The following KMT2C variants were observed in gnomAD, a reference collection of about 807,000 sequenced individuals.
KMT2C encodes lysine methyltransferase 2C.
KMT2C carries 88 observed loss-of-function variants against 507.9 expected under a neutral mutation model. The observed-to-expected ratio is 0.17, with a 90% CI of 0.15 to 0.21. The LOEUF (loss-of-function observed/expected upper bound fraction) is 0.21, where lower values mean the gene tolerates loss of function less well. Ranked by LOEUF, KMT2C falls within the 10% of genes least tolerant of loss-of-function variation. The probability of loss-of-function intolerance (pLI) is 1.00; values close to 1 mark genes in which losing one functional copy is unlikely to be tolerated. For missense variants in KMT2C, 4,954 were observed against 5,957.8 expected (o/e 0.83, Z 5.55); for synonymous variants, 2,049 against 2,080.8 (o/e 0.98, Z 0.42).
chr7:152,327,982 A>AG (rs1473776575), intron 3 of KMT2C, among the ~76,000 whole-genome samples: 5 of 151,592 alleles, frequency 3.3e-5, no homozygotes, highest in Admixed American at 6.6e-5. Context: ...AAAAGAAAAA[A>AG]GAAAAAAAAA....
rs556301704 is a variant in KMT2C at position 152,187,408 on chromosome 7, G to A, written c.4862C>T (p.Thr1621Ile). ...CATTGTGTCATTTTCTCCTTCCACA[G>A]TGGGAGCTGATGATGTCCAAGAGTT... is the stretch of plus-strand genomic sequence containing the variant. The part of the protein sequence containing the change: ...PNNSWTSSAP[T>I]VEGENDTMSN... The change falls in exon 33 of 59, where the codon ACT becomes ATT. Residue 1621 changes from threonine (T) to isoleucine (I), a missense_variant. By Grantham distance (89) the Thr-to-Ile change is moderately conservative. Coordinates refer to ENST00000262189, the MANE Select transcript of KMT2C (RefSeq NM_170606.3). The A allele has an allele frequency of 7.4e-6, 12 of 1,614,134 alleles. 1 individual carries two copies. In the South Asian group the frequency reaches 1.3e-4, roughly 18 times the overall value.
At chr7:152,368,003 T>C (rs955015653) in intron 1 of KMT2C, 41 of 854,068 alleles carry the variant, frequency 4.8e-5, no homozygotes, top group Non-Finnish European at 7.0e-5. Context: ...TCCAAGAACA[T>C]AAAATTAAGA....
chr7:152,362,743 A>C (rs2097206864), intron 1 of KMT2C, among the ~76,000 whole-genome samples: 1 of 152,090 alleles, frequency 6.6e-6, no homozygotes, highest in African/African-American at 2.4e-5. Context: ...GCTTTATTTC[A>C]AGCTCGTTCT....
intron 1 of KMT2C, among the ~76,000 whole-genome samples, chr7:152,415,070 T>A (rs1412859714): frequency 6.6e-6 from 1 of 151,984 alleles, no homozygotes; most frequent in Non-Finnish European, 1.5e-5. Flanking sequence ...GATTTTGAAA[T>A]CCTGAGCTCA....
chr7:152,362,439 G>GA (rs1041811288), intron 1 of KMT2C, among the ~76,000 whole-genome samples: 6 of 152,188 alleles, frequency 3.9e-5, no homozygotes, highest in Middle Eastern at 3.4e-3. Context: ...ACCAATACAA[G>GA]AACTGGGGAC....
intron 26 of KMT2C, among the ~76,000 whole-genome samples, chr7:152,201,280 AC>A (rs2094128514): frequency 7.0e-6 from 1 of 142,754 alleles, no homozygotes; most frequent in Non-Finnish European, 1.5e-5. Context: ...CTCATGTCAC[AC>A]ATACAGACAC....
intron 51 of KMT2C, 102 bp downstream of exon 51, chr7:152,150,798 G>A (rs1054711685): frequency 2.5e-6 from 2 of 795,552 alleles, no homozygotes; most frequent in Non-Finnish European, 4.2e-6. Context: ...CCCACACAGA[G>A]CTCCATGAAG....
chr7:152,146,099 C>T (rs1332619781), intron 53 of KMT2C, among the ~76,000 whole-genome samples: 1 of 151,308 alleles, frequency 6.6e-6, no homozygotes, highest in Non-Finnish European at 1.5e-5. Context: ...TTCAGTTAGA[C>T]TCACTGACAA....
At chr7:152,369,563 C>A (rs1157713304) in intron 1 of KMT2C, among the ~76,000 whole-genome samples, 1 of 152,056 alleles carries the variant, frequency 6.6e-6, no homozygotes, top group East Asian at 1.9e-4. Context: ...AGAGGTGGTA[C>A]CTTTAAGAGG....
At chr7:152,286,250 A>T (rs1372291623) in intron 6 of KMT2C, among the ~76,000 whole-genome samples, 6 of 152,018 alleles carry the variant, frequency 3.9e-5, no homozygotes, top group African/African-American at 1.2e-4. Context: ...AAAAAGAATA[A>T]GAAATAAAAG....
intron 1 of KMT2C, among the ~76,000 whole-genome samples, chr7:152,400,850 G>C (rs2097568120): frequency 7.9e-6 from 1 of 126,528 alleles, no homozygotes; most frequent in African/African-American, 2.9e-5. Context: ...AATACTTCTA[G>C]CCCAAACTGA....
At chr7:152,290,164 A>G in intron 6 of KMT2C, among the ~76,000 whole-genome samples, 1 of 149,952 alleles carries the variant, frequency 6.7e-6, no homozygotes, top group South Asian at 2.1e-4. Flanking sequence ...ATAAAATCAT[A>G]TATGGGTAAA....
chr7:152,274,305 T>C (rs1009117365), intron 6 of KMT2C, among the ~76,000 whole-genome samples: 1,991 of 150,734 alleles, frequency 0.013, 42 homozygotes, highest in African/African-American at 0.046. Context: ...TAAAAATAAA[T>C]ACAAAATAAA....
chr7:152,382,921 T>TA (rs1194840728), intron 1 of KMT2C, among the ~76,000 whole-genome samples: 10 of 151,512 alleles, frequency 6.6e-5, no homozygotes, highest in African/African-American at 2.2e-4. Context: ...CCTTGTCCAA[T>TA]AAAAAAAGAC....
intron 6 of KMT2C, among the ~76,000 whole-genome samples, chr7:152,299,386 G>T (rs898529321): frequency 4.6e-5 from 7 of 151,404 alleles, no homozygotes; most frequent in African/African-American, 1.7e-4. Flanking sequence ...AGGTGCAATG[G>T]CTCACACCTG....
intron 2 of KMT2C, among the ~76,000 whole-genome samples, chr7:152,331,876 T>C (rs1252661538): frequency 1.3e-5 from 2 of 151,972 alleles, no homozygotes; most frequent in South Asian, 2.1e-4. Flanking sequence ...CTTGAACTCC[T>C]GACCTCAGGT....
chr7:152,418,461 C>T (rs1042838096), intron 1 of KMT2C, among the ~76,000 whole-genome samples: 5 of 151,894 alleles, frequency 3.3e-5, no homozygotes, highest in African/African-American at 9.7e-5. Flanking sequence ...GACAGAGTCT[C>T]GCTCTGTCGC....
In KMT2C at chr7:152,176,849, A is replaced by C; in HGVS notation, c.8604T>G (p.Thr2868=). The C allele has an allele frequency of 6.2e-7, 1 of 1,614,258 alleles. No individual in the cohort carries two copies. Among genetic ancestry groups the C allele is most frequent in the Non-Finnish European group, 8.5e-7 (1 of 1,180,044 alleles). ...GATCTGGATCACAAGGATGCAAAGA[A>C]GTCTTTTCTCCATCATTTAGGTCTG... ...AHSDLNDGEK[T]SLHPCDPDLF... The change falls in exon 38 of 59, where the codon ACT becomes ACG. Residue 2868 remains threonine, a synonymous_variant. Transcript: ENST00000262189.
intron 6 of KMT2C, among the ~76,000 whole-genome samples, chr7:152,305,355 T>A (rs939452934): frequency 2.0e-5 from 3 of 152,148 alleles, no homozygotes; most frequent in Non-Finnish European, 2.9e-5. Flanking sequence ...CTTGAATAAA[T>A]ACATAAAGGA....
Sources: allele counts gnomAD v4.1 joint callset (sites outside exome capture counted in the v4.1 genomes callset), GRCh38; gene constraint gnomAD v4.1.1; transcripts MANE v1.5; gene names NCBI Gene and HGNC (gene_info 2026-07-23, HGNC 2026-07-21).